The following CNTNAP5 variants were observed in gnomAD, a reference collection of about 807,000 sequenced individuals.
CNTNAP5 encodes the protein contactin associated protein family member 5, also known as contactin-associated protein-like 5.
Under a neutral mutation model 150.2 loss-of-function variants are expected in CNTNAP5, and 72 were observed. The observed-to-expected ratio is 0.48, with a 90% CI of 0.40 to 0.58. The LOEUF is 0.58. CNTNAP5 is among the 20% of genes least tolerant of loss of function. The pLI, the probability that CNTNAP5 is intolerant of heterozygous loss-of-function variation, is 0.00. For synonymous variants in CNTNAP5, 672 were observed against 619.8 expected (o/e 1.08, Z -1.25); for missense variants, 1,636 against 1,626.2 (o/e 1.01, Z -0.10).
chr2:124,653,247 A>G (rs1186667883), intron 13 of CNTNAP5, among the ~76,000 whole-genome samples: 1 of 152,166 alleles, frequency 6.6e-6, no homozygotes, highest in Admixed American at 6.5e-5. Context: ...ACAGCATGCT[A>G]TTTATTTTAA....
chr2:124,469,640 G>T (rs1693456784), intron 6 of CNTNAP5, among the ~76,000 whole-genome samples: 1 of 152,012 alleles, frequency 6.6e-6, no homozygotes, highest in Non-Finnish European at 1.5e-5. Flanking sequence ...AGGTAAACAT[G>T]TGTCATAGTG....
intron 19 of CNTNAP5, among the ~76,000 whole-genome samples, chr2:124,807,149 C>T (rs554992049): frequency 6.6e-6 from 1 of 152,120 alleles, no homozygotes; most frequent in Non-Finnish European, 1.5e-5. Context: ...AGGGCTTATT[C>T]GGTTCTCTGT....
chr2:124,107,585 G>A lies in CNTNAP5; in HGVS notation c.82+81853G>A, dbSNP rs915737980. On this transcript the variant is annotated intron_variant, in intron 1 of 23. Transcript: ENST00000682447. Reference sequence around the variant, plus strand: ...TCAGTTATATTGATTAGATTGTGTAGTAGAAAGTTATGCTTTTAGTTAATC... The same window carrying A: ...TCAGTTATATTGATTAGATTGTGTAATAGAAAGTTATGCTTTTAGTTAATC... Among the ~76,000 whole-genome samples, 87 of 152,288 alleles carry A rather than the reference G, an allele frequency of 5.7e-4. 1 individual carries two copies. The highest frequency in any genetic ancestry group is 5.3e-3 in the Admixed American group (81 of 15,304).
chr2:124,350,877 G>T (rs1689861724), intron 3 of CNTNAP5, among the ~76,000 whole-genome samples: 1 of 151,552 alleles, frequency 6.6e-6, no homozygotes, highest in South Asian at 2.1e-4. Context: ...TTTTTTTTCG[G>T]CATGTTGCCT....
At chr2:124,420,363 C>G (rs1243346057) in intron 4 of CNTNAP5, among the ~76,000 whole-genome samples, 1 of 152,064 alleles carries the variant, frequency 6.6e-6, no homozygotes, top group African/African-American at 2.4e-5. Context: ...GCTCATGGCC[C>G]TCTTTAGCAA....
At chr2:124,486,903 G>A (rs1280658712) in intron 7 of CNTNAP5, among the ~76,000 whole-genome samples, 3 of 152,284 alleles carry the variant, frequency 2.0e-5, no homozygotes, top group South Asian at 2.1e-4. Context: ...TGAATTAGAA[G>A]TACTCTAATA....
chr2:124,072,114 G>T (rs1346004131), intron 1 of CNTNAP5, among the ~76,000 whole-genome samples: 1 of 151,914 alleles, frequency 6.6e-6, no homozygotes, highest in Non-Finnish European at 1.5e-5. Context: ...CTTATCAGCA[G>T]AATGAAAGAC....
At chr2:124,264,807 T>C (rs1378407282) in intron 3 of CNTNAP5, among the ~76,000 whole-genome samples, 1 of 152,202 alleles carries the variant, frequency 6.6e-6, no homozygotes, top group African/African-American at 2.4e-5. Flanking sequence ...ATTTTATTTG[T>C]GTTCTTCATT....
intron 13 of CNTNAP5, among the ~76,000 whole-genome samples, chr2:124,700,288 A>G (rs771814235): frequency 6.6e-6 from 1 of 152,160 alleles, no homozygotes; most frequent in Non-Finnish European, 1.5e-5. Flanking sequence ...TGGATTATTT[A>G]TACTATTTGG....
At chr2:124,571,729 A>G (rs1052321074) in intron 11 of CNTNAP5, among the ~76,000 whole-genome samples, 2 of 151,300 alleles carry the variant, frequency 1.3e-5, no homozygotes, top group African/African-American at 4.9e-5. Context: ...ATGGGGTTTC[A>G]CCATGTAGAT....
intron 21 of CNTNAP5, among the ~76,000 whole-genome samples, chr2:124,871,841 G>T (rs943098975): frequency 1.5e-4 from 23 of 151,938 alleles, no homozygotes; most frequent in African/African-American, 4.6e-4. Flanking sequence ...TATGTCATAT[G>T]TATCTATGTA....
At chr2:124,223,955 C>A (rs750358130) in intron 2 of CNTNAP5, among the ~76,000 whole-genome samples, 2 of 151,660 alleles carry the variant, frequency 1.3e-5, no homozygotes, top group Admixed American at 6.6e-5. Flanking sequence ...CTTTACTCAC[C>A]GAGGCCCAAC....
At chr2:124,538,102 G>A (rs921299208) in intron 10 of CNTNAP5, among the ~76,000 whole-genome samples, 6 of 152,176 alleles carry the variant, frequency 3.9e-5, no homozygotes, top group Admixed American at 6.5e-5. Context: ...ATTGAGGTAC[G>A]ACATGCATGT....
At chr2:124,321,681 A>G (rs894281750) in intron 3 of CNTNAP5, among the ~76,000 whole-genome samples, 1 of 152,076 alleles carries the variant, frequency 6.6e-6, no homozygotes, top group Non-Finnish European at 1.5e-5. Flanking sequence ...TTTTTCAAGG[A>G]AGTGTGGTTA....
intron 13 of CNTNAP5, among the ~76,000 whole-genome samples, chr2:124,727,819 T>C (rs1486480261): frequency 6.6e-6 from 1 of 152,062 alleles, no homozygotes; most frequent in African/African-American, 2.4e-5. Flanking sequence ...ATATAATTGC[T>C]CTGGCCAGGA....
intron 19 of CNTNAP5, among the ~76,000 whole-genome samples, chr2:124,859,500 G>T (rs1412131040): frequency 6.6e-6 from 1 of 152,196 alleles, no homozygotes; most frequent in Non-Finnish European, 1.5e-5. Context: ...AGTCATTGTG[G>T]CGATTCCTCA....
At chr2:124,605,854 G>T (rs997153081) in intron 11 of CNTNAP5, among the ~76,000 whole-genome samples, 12 of 103,250 alleles carry the variant, frequency 1.2e-4, no homozygotes, top group Non-Finnish European at 2.4e-4. Context: ...AAGAAAGAAA[G>T]AATAGAAAGA....
intron 13 of CNTNAP5, among the ~76,000 whole-genome samples, chr2:124,703,961 C>T (rs536059389): frequency 1.9e-4 from 29 of 152,280 alleles, no homozygotes; most frequent in African/African-American, 5.5e-4. Context: ...TTTCCATCCA[C>T]AGATGTAAGA....
intron 13 of CNTNAP5, among the ~76,000 whole-genome samples, chr2:124,707,333 A>G (rs1266185087): frequency 3.9e-5 from 6 of 152,166 alleles, no homozygotes; most frequent in Admixed American, 6.5e-5. Flanking sequence ...GATTCCTTCA[A>G]AAATTTCCAT....
Sources: allele counts gnomAD v4.1 joint callset (sites outside exome capture counted in the v4.1 genomes callset), GRCh38; gene constraint gnomAD v4.1.1; transcripts MANE v1.5; gene names NCBI Gene and HGNC (gene_info 2026-07-23, HGNC 2026-07-21).